Variants in CFAP54 observed in about 807,000 individuals in gnomAD.
CFAP54 encodes cilia and flagella associated protein 54.
Under a neutral mutation model 370.4 loss-of-function variants are expected in CFAP54, and 290 were observed. The observed-to-expected ratio is 0.78, with a 90% CI of 0.71 to 0.86. The LOEUF (loss-of-function observed/expected upper bound fraction) is 0.86. Among genes scored for constraint, CFAP54 ranks in the 40% least tolerant of loss-of-function variants. The pLI, the probability that CFAP54 is intolerant of heterozygous loss-of-function variation, is 0.00. For missense variants in CFAP54, 3,399 were observed against 3,528.7 expected, an observed-to-expected ratio of 0.96 and a Z score of 0.93; for synonymous variants, 1,206 against 1,236.5, an observed-to-expected ratio of 0.98 and a Z score of 0.52.
intron 60 of CFAP54, among the ~76,000 whole-genome samples, chr12:96,781,025 A>G (rs921649951): frequency 2.6e-5 from 4 of 152,126 alleles, no homozygotes; most frequent in Non-Finnish European, 4.4e-5. Context: ...TTGCAAATGA[A>G]GAAAGAAGTA....
At chr12:96,580,477 T>C in intron 20 of CFAP54, 120 bp from the exon 21 acceptor site, 1 of 554,856 alleles carries the variant, frequency 1.8e-6, no homozygotes, top group Non-Finnish European at 3.0e-6. Flanking sequence ...AGTATATTTG[T>C]AAACTTGGAT....
intron 26 of CFAP54, among the ~76,000 whole-genome samples, chr12:96,617,920 G>A (rs1385395010): frequency 6.7e-6 from 1 of 150,034 alleles, no homozygotes; most frequent in African/African-American, 2.5e-5. Context: ...AACCCGGGAG[G>A]CAGAGCTTGC....
chr12:96,768,105 G>A (rs1263844673), intron 60 of CFAP54, among the ~76,000 whole-genome samples: 5 of 152,058 alleles, frequency 3.3e-5, no homozygotes, highest in African/African-American at 1.2e-4. Context: ...TGGATTATTT[G>A]AGATCAGGAG....
intron 65 of CFAP54, among the ~76,000 whole-genome samples, chr12:96,821,726 G>A (rs545889784): frequency 2.1e-5 from 3 of 141,694 alleles, no homozygotes; most frequent in African/African-American, 5.2e-5. Flanking sequence ...AAAAAAGCTC[G>A]ATTCTGGGTT....
intron 12 of CFAP54, 132 bp downstream of exon 12, chr12:96,535,732 G>T: frequency 1.9e-6 from 1 of 518,788 alleles, no homozygotes; most frequent in Non-Finnish European, 3.3e-6. Flanking sequence ...TTAGCATATA[G>T]GATTAAGTTA....
At chr12:96,862,945 G>A (rs1002926111) in intron 67 of CFAP54, among the ~76,000 whole-genome samples, 4 of 152,184 alleles carry the variant, frequency 2.6e-5, no homozygotes, top group African/African-American at 9.7e-5. Flanking sequence ...TAATACAGGT[G>A]TGGAAACAGC....
At chr12:96,520,726 T>G (rs1158290713) in intron 6 of CFAP54, among the ~76,000 whole-genome samples, 1 of 152,232 alleles carries the variant, frequency 6.6e-6, no homozygotes, top group Non-Finnish European at 1.5e-5. Flanking sequence ...GTTTGGTATG[T>G]GGGGCGTAAG....
intron 55 of CFAP54, among the ~76,000 whole-genome samples, chr12:96,751,772 C>T (rs1958185075): frequency 6.6e-6 from 1 of 152,106 alleles, no homozygotes; most frequent in Non-Finnish European, 1.5e-5. Flanking sequence ...AGTCATTTAA[C>T]TTCCCTTGTT....
chr12:96,554,445 C>A, intron 16 of CFAP54, 135 bp downstream of exon 16: 1 of 1,182,984 alleles, frequency 8.5e-7, no homozygotes. Flanking sequence ...TCCCTCTTCC[C>A]AGAAGAGAGC....
chr12:96,595,196 A>G (rs555331578), intron 25 of CFAP54, among the ~76,000 whole-genome samples: 1 of 152,234 alleles, frequency 6.6e-6, no homozygotes, highest in East Asian at 1.9e-4. Flanking sequence ...GCCCTTCCAC[A>G]TCATGGCCCT....
At position 96,784,763 on chromosome 12, in the gene CFAP54, A is replaced by G. The variant is rs1390521826; in HGVS notation, c.8328A>G (p.Gln2776=). The change falls in exon 61 of 68, where the codon CAA becomes CAG. Residue 2776 remains glutamine, a synonymous_variant. Transcript: ENST00000524981. Reference sequence around the variant, plus strand: ...AGACTTCCTGTACATTTTTGTACCAAAATGATGATGTGTGTGACAGCGCAG... The same window carrying G: ...AGACTTCCTGTACATTTTTGTACCAGAATGATGATGTGTGTGACAGCGCAG... ...LFQTSCTFLY[Q]NDDVCDSADG... is the part of the protein sequence containing the mutation. 2.0e-6 allele frequency: 3 copies of G among 1,529,998 alleles called. No homozygotes were observed. Among genetic ancestry groups the G allele is most frequent in the African/African-American group, 2.7e-5 (2 of 72,802 alleles). 94.8% of individuals were successfully genotyped at this position (1,529,998 alleles called of 1,614,324 possible). A position where few individuals can be genotyped will look rare whatever the true frequency, so the allele number is the denominator to read the frequency against.
intron 26 of CFAP54, among the ~76,000 whole-genome samples, chr12:96,614,191 A>G (rs1440365063): frequency 6.6e-6 from 1 of 152,252 alleles, no homozygotes; most frequent in Non-Finnish European, 1.5e-5. Context: ...CATCCCTGGG[A>G]TGCAAGGCTG....
chr12:96,832,333 A>C (rs1959173903), intron 66 of CFAP54, among the ~76,000 whole-genome samples: 2 of 151,590 alleles, frequency 1.3e-5, no homozygotes, highest in South Asian at 4.1e-4. Flanking sequence ...TAAAATATAC[A>C]ATTTATAATG....
At chr12:96,725,251 A>G (rs928508081) in intron 50 of CFAP54, among the ~76,000 whole-genome samples, 5 of 151,226 alleles carry the variant, frequency 3.3e-5, no homozygotes, top group South Asian at 4.2e-4. Context: ...CATTGAATCT[A>G]TAAATTACCT....
At chr12:96,822,798 G>A (rs1274583302) in intron 65 of CFAP54, among the ~76,000 whole-genome samples, 1 of 152,186 alleles carries the variant, frequency 6.6e-6, no homozygotes, top group Admixed American at 6.5e-5. Context: ...CAGCTGTCTT[G>A]CTCTCATAGC....
At chr12:96,873,171 A>G (rs1439467071) in intron 67 of CFAP54, among the ~76,000 whole-genome samples, 1 of 152,226 alleles carries the variant, frequency 6.6e-6, no homozygotes, top group East Asian at 1.9e-4. Context: ...TTCTGGAACA[A>G]GGATCATGAG....
chr12:96,659,228 G>GAAATGTTGA (rs1375753899), intron 38 of CFAP54, among the ~76,000 whole-genome samples: 24 of 152,266 alleles, frequency 1.6e-4, no homozygotes, highest in African/African-American at 4.6e-4. Context: ...ACACCTCCTG[G>GAAATGTTGA]GTTCAAGTGA....
At chr12:96,590,611 A>G (rs1229364012) in intron 23 of CFAP54, among the ~76,000 whole-genome samples, 1 of 152,208 alleles carries the variant, frequency 6.6e-6, no homozygotes, top group African/African-American at 2.4e-5. Context: ...CAAGGATGCT[A>G]TGTGCTATGG....
intron 60 of CFAP54, among the ~76,000 whole-genome samples, chr12:96,771,443 G>A (rs972955162): frequency 6.6e-6 from 1 of 152,178 alleles, no homozygotes; most frequent in African/African-American, 2.4e-5. Flanking sequence ...ACGAGGTCAG[G>A]AGATGGAGAC....
Sources: allele counts gnomAD v4.1 joint callset (sites outside exome capture counted in the v4.1 genomes callset), GRCh38; gene constraint gnomAD v4.1.1; transcripts MANE v1.5; gene names NCBI Gene and HGNC (gene_info 2026-07-23, HGNC 2026-07-21).